The following BCAP31 variants were observed in gnomAD, a reference collection of about 807,000 sequenced individuals.
BCAP31 encodes the protein B cell receptor associated protein 31, also known as B-cell receptor-associated protein 31.
For synonymous variants in BCAP31, 75 were observed against 80.9 expected, an observed-to-expected ratio of 0.93 and a Z score of 0.39; for missense variants, 124 against 193.0, an observed-to-expected ratio of 0.64 and a Z score of 2.12.
intron 4 of BCAP31, among the ~76,000 whole-genome samples, chrX:153,714,678 G>A (rs1455963467): frequency 9.0e-6 from 1 of 111,009 alleles, no homozygotes; most frequent in African/African-American, 3.3e-5. Context: ...AAACCAAGTG[G>A]GGAATAACTG....
At position 153,715,726 on chromosome X, in the gene BCAP31, G is replaced by A. The variant is rs377528946; in HGVS notation, c.194-37C>T. ...CAGAGAGGAGACACGGGCATTTAGC[G>A]GACACTAGGGCAAGATAAGGCCATA... On this transcript the variant is annotated intron_variant, in intron 3 of 7. Coordinates refer to ENST00000345046, the MANE Select transcript of BCAP31 (RefSeq NM_001256447.2). 32 of 1,200,185 alleles carry A rather than the reference G, an allele frequency of 2.7e-5. No homozygotes were observed. In the East Asian group the frequency reaches 5.9e-4, roughly 22 times the overall value.
chrX:153,703,306 GCCCTGGC>G (rs781868961), intron 5 of BCAP31, among the ~76,000 whole-genome samples: 56 of 113,287 alleles, frequency 4.9e-4, no homozygotes, highest in Admixed American at 7.4e-4. Flanking sequence ...CGCCTTGCCT[GCCCTGGC>G]CCCTGGCCCC....
chrX:153,702,272 CAA>C (rs2091523551), intron 6 of BCAP31, 165 bp from the exon 7 acceptor site: 4 of 434,250 alleles, frequency 9.2e-6, no homozygotes, highest in Non-Finnish European at 1.6e-5. Flanking sequence ...TGCAGGCCCC[CAA>C]AGTAGAGGGA....
rs1478065277 is a variant in BCAP31, at chrX:153,700,654, C to T, written c.*283G>A. On this transcript the variant is annotated 3_prime_UTR_variant, in exon 8 of 8. Transcript: ENST00000345046. ...CCACCGCAAGCCGGACTACAACTAACTCGTGCTCTCCACGCTCAGGCGTGG... is the reference window on the plus strand; with the variant it reads ...CCACCGCAAGCCGGACTACAACTAATTCGTGCTCTCCACGCTCAGGCGTGG... 2.4e-5 allele frequency: 7 copies of T among 291,718 alleles called. No individual in the cohort carries two copies. Among genetic ancestry groups the T allele is most frequent in the Non-Finnish European group, 1.2e-5 (2 of 168,576 alleles). 24.0% of individuals were successfully genotyped at this position (291,718 alleles called of 1,213,427 possible). A position where few individuals can be genotyped will look rare whatever the true frequency, so the allele number is the denominator to read the frequency against.
chrX:153,721,231 T>C (rs6655264), intron 2 of BCAP31: 7 of 280,433 alleles, frequency 2.5e-5, no homozygotes, highest in African/African-American at 1.7e-4. Context: ...AGGTCAGGAG[T>C]GCAAGACCAA....
At chrX:153,723,018 C>T in intron 2 of BCAP31, 135 bp downstream of exon 2, 1 of 835,974 alleles carries the variant, frequency 1.2e-6, no homozygotes, top group Non-Finnish European at 1.6e-6. Context: ...CAACCCCTGC[C>T]ACCCCCACCC....
chrX:153,701,715 T>C (rs1171186906), intron 7 of BCAP31, among the ~76,000 whole-genome samples: 2 of 113,163 alleles, frequency 1.8e-5, no homozygotes, highest in Non-Finnish European at 3.7e-5. Context: ...TTCTTTGTTC[T>C]TGACCAGGCC....
intron 4 of BCAP31, among the ~76,000 whole-genome samples, chrX:153,707,763 G>A (rs782410625): frequency 8.9e-6 from 1 of 112,907 alleles, no homozygotes; most frequent in East Asian, 2.8e-4. Context: ...CCCAAGCAAT[G>A]CAGACCAGGT....
intron 2 of BCAP31, among the ~76,000 whole-genome samples, chrX:153,722,477 G>GT (rs1403525726): frequency 4.5e-5 from 5 of 111,675 alleles, no homozygotes; most frequent in Non-Finnish European, 7.5e-5. Context: ...CGAAGGTGTG[G>GT]TTTTCTACAA....
At chrX:153,720,653 C>T (rs1290888584) in intron 3 of BCAP31, among the ~76,000 whole-genome samples, 2 of 111,952 alleles carry the variant, frequency 1.8e-5, no homozygotes, top group Admixed American at 1.9e-4. Context: ...CATGAGCCAC[C>T]ATGTACGGCC....
At chrX:153,722,246 G>A (rs782145327) in intron 2 of BCAP31, among the ~76,000 whole-genome samples, 11 of 111,982 alleles carry the variant, frequency 9.8e-5, no homozygotes, top group African/African-American at 2.3e-4. Context: ...ATCACTGAAG[G>A]CAATGATATT....
chrX:153,716,392 G>A (rs1315933994), intron 3 of BCAP31, among the ~76,000 whole-genome samples: 1 of 108,430 alleles, frequency 9.2e-6, no homozygotes, highest in Non-Finnish European at 1.9e-5. Context: ...CCCCCACAAT[G>A]ATAAGTTGAA....
chrX:153,701,523 C>T (rs1317508610), intron 7 of BCAP31, among the ~76,000 whole-genome samples: 2 of 112,718 alleles, frequency 1.8e-5, no homozygotes, highest in African/African-American at 3.2e-5. Context: ...CCTGGTGCAC[C>T]CAAGCTAGTC....
rs1557049907 is a variant in BCAP31, at chrX:153,715,475, G to A, written c.341+67C>T. 1.5e-5 allele frequency: 17 copies of A among 1,168,951 alleles called. No homozygotes were observed. The East Asian group carries it at 4.8e-4, about 33-fold the overall frequency. On this transcript the variant is annotated intron_variant, in intron 4 of 7. Transcript: ENST00000345046. The stretch of plus-strand genomic sequence containing the variant: ...TCACAGGGGGGAGACTGAGCCCACT[G>A]AGCTCGGTGTCCATGGCTAGCCCAT...
At position 153,701,328 on chromosome X, in the gene BCAP31, G is replaced by A. The variant is rs1226370749; in HGVS notation, c.703-353C>T. On this transcript the variant is annotated intron_variant, in intron 7 of 7. Coordinates refer to ENST00000345046, the MANE Select transcript of BCAP31 (RefSeq NM_001256447.2). ...CACACCTTTGACAGGTGCCCTCGAA[G>A]CCCATCTGCCAAGCCTGCCCCATAC... 2.7e-5 allele frequency among the ~76,000 whole-genome samples: 3 copies of A among 112,672 alleles called. No individual in the cohort carries two copies. The Admixed American group carries it at 2.8e-4, about 10-fold the overall frequency.
Position 153,700,899 on chromosome X carries a change from G to A in BCAP31, c.*38C>T, listed in dbSNP as rs184845238. On this transcript the variant is annotated 3_prime_UTR_variant, in exon 8 of 8. Transcript: ENST00000345046. ...CTCAGGAAGCAGCAGGCACGTGCCA[G>A]GTGGAAGCCAGCTGCAGGCAGGGGA... 5.8e-5 allele frequency: 69 copies of A among 1,192,489 alleles called. No individual in the cohort carries two copies. The African/African-American group carries it at 1.2e-3, about 20-fold the overall frequency.
intron 2 of BCAP31, 51 bp downstream of exon 2, chrX:153,723,102 G>C: frequency 8.4e-7 from 1 of 1,189,564 alleles, no homozygotes; most frequent in Non-Finnish European, 1.1e-6. Flanking sequence ...CCCAGGGCTA[G>C]GGCACAGGCA....
At chrX:153,723,328 G>A in intron 1 of BCAP31, 40 bp from the exon 2 acceptor site, 4 of 1,163,371 alleles carry the variant, frequency 3.4e-6, no homozygotes, top group Non-Finnish European at 3.4e-6. Context: ...TAAGCGCTGG[G>A]CAGCCAAGAA....
intron 5 of BCAP31, 63 bp downstream of exon 5, chrX:153,703,896 A>C: frequency 8.5e-7 from 1 of 1,181,360 alleles, no homozygotes; most frequent in Non-Finnish European, 1.1e-6. Context: ...GAGGCCCTGA[A>C]GAATGTGGCT....
Sources: allele counts gnomAD v4.1 joint callset (sites outside exome capture counted in the v4.1 genomes callset), GRCh38; gene constraint gnomAD v4.1.1; transcripts MANE v1.5; gene names NCBI Gene and HGNC (gene_info 2026-07-23, HGNC 2026-07-21).